The following STIL variants were observed in gnomAD, a reference collection of about 807,000 sequenced individuals.
STIL encodes SCL-interrupting locus protein.
A neutral mutation model predicts 110.1 loss-of-function variants in STIL; 55 were observed. That is an observed-to-expected ratio of 0.50 (90% confidence interval 0.40 to 0.63). The LOEUF (loss-of-function observed/expected upper bound fraction) is 0.63, where lower values mean the gene tolerates loss of function less well. Ranked by LOEUF, STIL falls within the 20% of genes least tolerant of loss-of-function variation. The probability of loss-of-function intolerance (pLI) is 0.00; values close to 1 mark genes in which losing one functional copy is unlikely to be tolerated. For synonymous variants in STIL, 481 were observed against 530.0 expected (o/e 0.91, Z 1.27); for missense variants, 1,358 against 1,530.0 (o/e 0.89, Z 1.87).
chr1:47,314,311 C>T (rs1473675419), upstream of STIL, among the ~76,000 whole-genome samples: 4 of 152,242 alleles, frequency 2.6e-5, no homozygotes, highest in Non-Finnish European at 5.9e-5. Context: ...GTTCCGCGCT[C>T]GACCAATCCC....
At position 47,295,844 on chromosome 1, in the gene STIL, G is replaced by A. The variant is rs1645627417; in HGVS notation, c.706C>T (p.Leu236Phe). The A allele has an allele frequency of 6.2e-7, 1 of 1,609,302 alleles. No homozygotes were observed. The highest frequency in any genetic ancestry group is 8.5e-7 in the Non-Finnish European group (1 of 1,176,114). ...QVQGTYKYGY[L>F]TMDETRKLLL... ...AATTTGCGTGTTTCATCCATGGTAA[G>A]ATATCTAAACAGAAGACATTCATGT... Residue 236 changes from leucine (L) to phenylalanine (F), a missense_variant, in exon 7 of 17, where the codon CTT becomes TTT. Leu to Phe is a conservative substitution (Grantham distance 22). Transcript: ENST00000371877.
Position 47,252,778 on chromosome 1 carries a change from TACACACACACACACACACACACAC to T in STIL, c.3081-880_3081-857del, listed in dbSNP as rs3043070. On this transcript the variant is annotated intron_variant, in intron 16 of 16. Coordinates refer to ENST00000371877, the MANE Select transcript of STIL (RefSeq NM_001048166.1). ...CAACCAGTCTCTGGATATGGGCTTA[TACACACACACACACACACACACAC>T]ACACACACACACACACACACACGAA... 2.9e-3 allele frequency among the ~76,000 whole-genome samples: 403 copies of T among 140,192 alleles called. 2 individuals are homozygous for T. The highest frequency in any genetic ancestry group is 0.01 in the African/African-American group (385 of 38,362). The allele number at this position is 140,192 out of a possible 152,430, so 92.0% of individuals were successfully genotyped here.
Position 47,272,099 on chromosome 1 carries a change from C to T in STIL, c.2360G>A (p.Gly787Asp), listed in dbSNP as rs766209965. 4.3e-6 allele frequency: 7 copies of T among 1,614,024 alleles called. No individual in the cohort carries two copies. Among genetic ancestry groups the T allele is most frequent in the South Asian group, 3.3e-5 (3 of 91,088 alleles). ...ACCTGTGCTCACAGCAATGCTTACA[C>T]CTTTTCTCATGTGCAAGCCAGGGGA... ...QSSPGLHMRK[G>D]VSIAVSTGAS... is the part of the protein sequence containing the mutation. The change falls in exon 13 of 17, where the codon GGT becomes GAT. Residue 787 changes from glycine (G) to aspartate (D), a missense_variant. Transcript: ENST00000371877.
Position 47,251,108 on chromosome 1 carries a change from T to C in STIL, c.*28A>G, listed in dbSNP as rs779395740. ...GTATCTTCAGGAGACACCCTGTCCC[T>C]GTATTAAAAGGGCAGGGAGTTAAAA... On this transcript the variant is annotated 3_prime_UTR_variant, in exon 17 of 17. Coordinates refer to ENST00000371877, the MANE Select transcript of STIL (RefSeq NM_001048166.1). 1 of 1,606,110 alleles carries C rather than the reference T, an allele frequency of 6.2e-7. No homozygotes were observed. Among genetic ancestry groups the C allele is most frequent in the Admixed American group, 1.7e-5 (1 of 59,536 alleles).
At chr1:47,302,957 A>G (rs1156785604) in intron 3 of STIL, among the ~76,000 whole-genome samples, 1 of 152,180 alleles carries the variant, frequency 6.6e-6, no homozygotes, top group Non-Finnish European at 1.5e-5. Context: ...GAAACCATGG[A>G]AAGTGAAACC....
At chr1:47,266,685 TC>T (rs1644663526) in intron 14 of STIL, among the ~76,000 whole-genome samples, 1 of 152,244 alleles carries the variant, frequency 6.6e-6, no homozygotes, top group Non-Finnish European at 1.5e-5. Flanking sequence ...CTACACCTGA[TC>T]CCTTCCACGA....
Position 47,269,728 on chromosome 1 carries a change from C to T in STIL, c.2522G>A (p.Ser841Asn). 4 of 1,614,144 alleles carry T rather than the reference C, an allele frequency of 2.5e-6. No individual in the cohort carries two copies. Among genetic ancestry groups the T allele is most frequent in the Non-Finnish European group, 3.4e-6 (4 of 1,180,014 alleles). Residue 841 changes from serine (S) to asparagine (N), a missense_variant, in exon 14 of 17, where the codon AGT (serine) becomes AAT (asparagine). Transcript: ENST00000371877. ...INNEVTSLPG[S>N]ASSLKAVDIP... ...ATCAACTGCTTTTAATGAAGATGCA[C>T]TACCTGGAAGACTTGTGACTTCATT...
In STIL at chr1:47,289,591, C is replaced by T. The variant is rs375670720; in HGVS notation, c.873-6G>A. 3.2e-5 allele frequency: 52 copies of T among 1,609,770 alleles called. No individual in the cohort carries two copies. The African/African-American group carries it at 6.7e-4, about 21-fold the overall frequency. On this transcript the variant is annotated splice_region_variant and splice_polypyrimidine_tract_variant and intron_variant, in intron 8 of 16. Coordinates refer to ENST00000371877, the MANE Select transcript of STIL (RefSeq NM_001048166.1). ...TTCCAGATTCTGAAAAAACCCTGCA[C>T]AAAAAAAGTCATTTAATTAAAATTT...
chr1:47,300,285 C>G, intron 5 of STIL, 133 bp from the exon 6 acceptor site: 2 of 891,462 alleles, frequency 2.2e-6, no homozygotes, highest in Non-Finnish European at 3.3e-6. Flanking sequence ...TGATTTACAG[C>G]ATTTCAGTTC....
At position 47,289,603 on chromosome 1, in the gene STIL, T is replaced by C. The variant is rs1395033892; in HGVS notation, c.873-18A>G. On this transcript the variant is annotated intron_variant, in intron 8 of 16. Coordinates refer to ENST00000371877, the MANE Select transcript of STIL (RefSeq NM_001048166.1). ...AAAAAACCCTGCACAAAAAAAGTCA[T>C]TTAATTAAAATTTAATGAGGATAAC... 2 of 1,605,136 alleles carry C rather than the reference T, an allele frequency of 1.2e-6. No homozygotes were observed. The highest frequency in any genetic ancestry group is 1.7e-5 in the Admixed American group (1 of 59,968).
chr1:47,257,355 A>G (rs965356529), intron 16 of STIL, among the ~76,000 whole-genome samples: 9 of 152,050 alleles, frequency 5.9e-5, no homozygotes, highest in African/African-American at 2.2e-4. Context: ...TGACATAGAG[A>G]TGATGGCACA....
At position 47,256,883 on chromosome 1, in the gene STIL, A is replaced by G. The variant is rs577859657; in HGVS notation, c.3080+3406T>C. Among the ~76,000 whole-genome samples, 8 of 151,584 alleles carry G rather than the reference A, an allele frequency of 5.3e-5. 1 individual carries two copies. In the South Asian group the frequency reaches 1.7e-3, roughly 32 times the overall value. Reference sequence around the variant, plus strand: ...GTGGCGCATGCCTGTAATCCCAGCTACTCAGGAAGGCTGAGGCAGGAGAAA... The same window carrying G: ...GTGGCGCATGCCTGTAATCCCAGCTGCTCAGGAAGGCTGAGGCAGGAGAAA... On this transcript the variant is annotated intron_variant, in intron 16 of 16. Coordinates refer to ENST00000371877, the MANE Select transcript of STIL (RefSeq NM_001048166.1).
At chr1:47,313,437 C>CCA (rs397815504) in intron 1 of STIL, among the ~76,000 whole-genome samples, 1 of 152,106 alleles carries the variant, frequency 6.6e-6, no homozygotes, top group Non-Finnish European at 1.5e-5. Context: ...TTAACCCCCC[C>CCA]ATCCACTCAT....
At chr1:47,309,021 C>A (rs1646046232) in intron 2 of STIL, among the ~76,000 whole-genome samples, 1 of 148,006 alleles carries the variant, frequency 6.8e-6, no homozygotes, top group Non-Finnish European at 1.5e-5. Flanking sequence ...CACTGCCCTC[C>A]AGCATAAGTG....
At chr1:47,260,670 T>G (rs1644459663) in intron 15 of STIL, 131 bp from the exon 16 acceptor site, 1 of 951,792 alleles carries the variant, frequency 1.1e-6, no homozygotes, top group Non-Finnish European at 1.6e-6. Context: ...CCCAGGAGTT[T>G]AAGACCCTGG....
intron 12 of STIL, among the ~76,000 whole-genome samples, chr1:47,279,994 T>C (rs1157621022): frequency 6.6e-6 from 1 of 152,150 alleles, no homozygotes; most frequent in Non-Finnish European, 1.5e-5. Context: ...TACAATTCTA[T>C]TGTAGGTTAG....
At chr1:47,314,621 T>G (rs1376558955), upstream of STIL, among the ~76,000 whole-genome samples, 1 of 152,248 alleles carries the variant, frequency 6.6e-6, no homozygotes, top group Non-Finnish European at 1.5e-5. Flanking sequence ...TTTTTAATTT[T>G]TATTCTAAAA....
intron 11 of STIL, 25 bp downstream of exon 11, chr1:47,282,320 G>T: frequency 6.8e-7 from 1 of 1,474,916 alleles, no homozygotes; most frequent in Non-Finnish European, 9.5e-7. Context: ...CCACAAAAGT[G>T]AATGCATTTT....
At chr1:47,299,256 A>T (rs1307933903) in intron 6 of STIL, among the ~76,000 whole-genome samples, 5 of 151,650 alleles carry the variant, frequency 3.3e-5, no homozygotes, top group African/African-American at 1.2e-4. Flanking sequence ...CTGAAGTGGG[A>T]GGATCACTTG....
Sources: allele counts gnomAD v4.1 joint callset (sites outside exome capture counted in the v4.1 genomes callset), GRCh38; gene constraint gnomAD v4.1.1; transcripts MANE v1.5; gene names NCBI Gene and HGNC (gene_info 2026-07-23, HGNC 2026-07-21).